The following MRPS27 variants were observed in gnomAD, a reference collection of about 807,000 sequenced individuals.
MRPS27 encodes small ribosomal subunit protein mS27.
In MRPS27, 43 loss-of-function variants were observed where a neutral mutation model predicts 48.9. That is an observed-to-expected ratio of 0.88 (90% CI 0.69 to 1.13). The LOEUF is 1.13. Among genes scored for constraint, MRPS27 ranks in the 50% most tolerant of loss-of-function variants. The pLI is 0.00. For missense variants in MRPS27, 467 were observed against 476.3 expected (o/e 0.98, Z 0.18); for synonymous variants, 188 against 171.9 (o/e 1.09, Z -0.73).
intron 4 of MRPS27, among the ~76,000 whole-genome samples, chr5:72,270,373 A>G (rs986234704): frequency 9.9e-5 from 15 of 151,874 alleles, no homozygotes; most frequent in African/African-American, 3.6e-4. Flanking sequence ...AAGGCAAAAG[A>G]AAGTCCATGG....
intron 1 of MRPS27, among the ~76,000 whole-genome samples, chr5:72,317,276 G>A (rs1750590299): frequency 6.6e-6 from 1 of 152,158 alleles, no homozygotes; most frequent in Non-Finnish European, 1.5e-5. Context: ...ATCTAAATTT[G>A]AGTTCTACAA....
chr5:72,241,941 T>C (rs1160518529), intron 4 of MRPS27, among the ~76,000 whole-genome samples: 2 of 152,104 alleles, frequency 1.3e-5, no homozygotes, highest in African/African-American at 4.8e-5. Context: ...GAGAAACAAA[T>C]ACAACCCAAA....
intron 1 of MRPS27, among the ~76,000 whole-genome samples, chr5:72,319,554 T>C (rs1382872405): frequency 6.9e-6 from 1 of 145,494 alleles, no homozygotes; most frequent in African/African-American, 2.5e-5. Flanking sequence ...TTTTTTTTTT[T>C]TTTTTTTGAG....
At chr5:72,224,153 A>T (rs1396941498) in intron 9 of MRPS27, among the ~76,000 whole-genome samples, 1 of 151,886 alleles carries the variant, frequency 6.6e-6, no homozygotes, top group Non-Finnish European at 1.5e-5. Flanking sequence ...GCTTGAGCCC[A>T]GGAGTTTGAG....
At chr5:72,291,353 C>CTCA (rs1749814893) in intron 4 of MRPS27, among the ~76,000 whole-genome samples, 1 of 152,192 alleles carries the variant, frequency 6.6e-6, no homozygotes, top group South Asian at 2.1e-4. Context: ...AACCCTCTGG[C>CTCA]AGTCTGATGA....
chr5:72,297,549 AT>A, intron 3 of MRPS27, 82 bp downstream of exon 3: 1 of 789,702 alleles, frequency 1.3e-6, no homozygotes, highest in Non-Finnish European at 2.0e-6. Context: ...ACTATTTTTT[AT>A]TTACACAGCC....
intron 4 of MRPS27, among the ~76,000 whole-genome samples, chr5:72,277,018 G>T (rs1355014365): frequency 6.6e-6 from 1 of 151,746 alleles, no homozygotes; most frequent in Non-Finnish European, 1.5e-5. Context: ...GCAACAGAAT[G>T]AGACTCCATC....
intron 4 of MRPS27, among the ~76,000 whole-genome samples, chr5:72,242,285 A>G (rs1307902831): frequency 6.6e-6 from 1 of 152,138 alleles, no homozygotes; most frequent in Non-Finnish European, 1.5e-5. Flanking sequence ...ATCTGCCTGC[A>G]CTGCTGCTCA....
At chr5:72,303,058 T>C (rs1332482212) in intron 2 of MRPS27, among the ~76,000 whole-genome samples, 1 of 152,158 alleles carries the variant, frequency 6.6e-6, no homozygotes, top group Admixed American at 6.5e-5. Context: ...ATTCTAAAAA[T>C]TGTGAACTAT....
At chr5:72,295,362 AATAAAATGCAGTT>A in intron 4 of MRPS27, 156 bp downstream of exon 4, 1 of 548,176 alleles carries the variant, frequency 1.8e-6, no homozygotes, top group East Asian at 3.0e-5. Context: ...CACAGTATGG[AATAAAATGCAGTT>A]ATAAAAAATC....
At chr5:72,268,657 T>G (rs551696070) in intron 4 of MRPS27, among the ~76,000 whole-genome samples, 20 of 152,172 alleles carry the variant, frequency 1.3e-4, no homozygotes, top group Non-Finnish European at 2.4e-4. Context: ...TCATTAACTG[T>G]TTGATTTTGG....
intron 4 of MRPS27, 96 bp from the exon 5 acceptor site, chr5:72,238,224 T>G: frequency 1.4e-6 from 1 of 739,720 alleles, no homozygotes; most frequent in Non-Finnish European, 2.3e-6. Flanking sequence ...ACTTACAGAG[T>G]GCAATGTGAC....
At chr5:72,316,508 C>A (rs754219321) in intron 1 of MRPS27, among the ~76,000 whole-genome samples, 1 of 152,052 alleles carries the variant, frequency 6.6e-6, no homozygotes, top group Non-Finnish European at 1.5e-5. Context: ...GCTGGGATTA[C>A]AGGCGCCTGC....
chr5:72,249,586 G>A (rs1472489987), intron 4 of MRPS27, among the ~76,000 whole-genome samples: 1 of 152,170 alleles, frequency 6.6e-6, no homozygotes, highest in Non-Finnish European at 1.5e-5. Context: ...TTGGGAGGCT[G>A]AGGCAGGAGA....
chr5:72,295,590 C>A lies in MRPS27; in HGVS notation c.223-1G>T. On this transcript the variant is annotated splice_acceptor_variant, in intron 3 of 10. Coordinates refer to ENST00000261413, the MANE Select transcript of MRPS27 (RefSeq NM_015084.3). LOFTEE classifies it high-confidence loss of function. ...CCCGAGAGGAAATGTTGTCTATAAG[C>A]TAAAAGACAGAAAAAGAAACCTTTG... 3.7e-6 allele frequency: 6 copies of A among 1,607,512 alleles called. No homozygotes were observed. The highest frequency in any genetic ancestry group is 5.1e-6 in the Non-Finnish European group (6 of 1,174,464).
intron 4 of MRPS27, among the ~76,000 whole-genome samples, chr5:72,257,557 C>T (rs557611408): frequency 2.0e-5 from 3 of 152,182 alleles, no homozygotes; most frequent in South Asian, 2.1e-4. Context: ...AAAATTGTTT[C>T]GGAAGACCAA....
intron 4 of MRPS27, among the ~76,000 whole-genome samples, chr5:72,260,355 C>T (rs530147571): frequency 4.6e-5 from 7 of 152,272 alleles, no homozygotes; most frequent in Non-Finnish European, 8.8e-5. Flanking sequence ...TAACACTGCC[C>T]TAAGAGTCCC....
intron 4 of MRPS27, among the ~76,000 whole-genome samples, chr5:72,287,521 C>A (rs185333469): frequency 6.6e-6 from 1 of 152,296 alleles, no homozygotes; most frequent in Admixed American, 6.5e-5. Flanking sequence ...TGCCTGTAAT[C>A]CCAGCTACTT....
Position 72,220,723 on chromosome 5 carries a change from T to C in MRPS27, c.*186A>G. 1.2e-6 allele frequency: 1 copy of C among 821,824 alleles called. No homozygotes were observed. Among genetic ancestry groups the C allele is most frequent in the Non-Finnish European group, 1.9e-6 (1 of 532,488 alleles). 50.9% of individuals were successfully genotyped at this position (821,824 alleles called of 1,614,324 possible). On this transcript the variant is annotated 3_prime_UTR_variant, in exon 11 of 11. Coordinates refer to ENST00000261413, the MANE Select transcript of MRPS27 (RefSeq NM_015084.3). ...TCAGTCTGACCACTAGCCACCTGCA[T>C]AGTTCCATAGCCCTTCTTGGCATCT...
Sources: allele counts gnomAD v4.1 joint callset (sites outside exome capture counted in the v4.1 genomes callset), GRCh38; gene constraint gnomAD v4.1.1; transcripts MANE v1.5; gene names NCBI Gene and HGNC (gene_info 2026-07-23, HGNC 2026-07-21).